The following MACROD2 variants were observed in gnomAD, a reference collection of about 807,000 sequenced individuals.
MACROD2 encodes mono-ADP ribosylhydrolase 2.
A neutral mutation model predicts 70.4 loss-of-function variants in MACROD2; 36 were observed. That is an observed-to-expected ratio of 0.51 (90% CI 0.39 to 0.68). The LOEUF is 0.68. Among genes scored for constraint, MACROD2 ranks in the 30% least tolerant of loss-of-function variants. The pLI, the probability that MACROD2 is intolerant of heterozygous loss-of-function variation, is 0.00. For synonymous variants in MACROD2, 172 were observed against 178.8 expected (o/e 0.96, Z 0.30); for missense variants, 496 against 538.4 (o/e 0.92, Z 0.78).
rs114057618 is a variant in MACROD2, at chr20:15,110,887, T to C, written c.419-119053T>C. Among the ~76,000 whole-genome samples, 519 of 152,272 alleles carry C rather than the reference T, an allele frequency of 3.4e-3. 11 individuals carry two copies. The highest frequency in any genetic ancestry group is 0.012 in the African/African-American group (497 of 41,552). On this transcript the variant is annotated intron_variant, in intron 5 of 17. Coordinates refer to ENST00000684519, the MANE Select transcript of MACROD2 (RefSeq NM_001351661.2). ...CTCCATTGGCTTTCTTAGTAGCATA[T>C]ACCATTTTTCTAAGAAAACAACCAC...
chr20:15,590,832 C>T (rs1474673555), intron 8 of MACROD2, among the ~76,000 whole-genome samples: 1 of 148,776 alleles, frequency 6.7e-6, no homozygotes, highest in Non-Finnish European at 1.5e-5. Flanking sequence ...GAGTCCATGA[C>T]ACTGTACTCC....
intron 5 of MACROD2, among the ~76,000 whole-genome samples, chr20:15,080,816 A>G (rs2075697767): frequency 6.6e-6 from 1 of 152,046 alleles, no homozygotes; most frequent in South Asian, 2.1e-4. Context: ...ATCCTCTTTA[A>G]CTTAGTTGCT....
intron 6 of MACROD2, among the ~76,000 whole-genome samples, chr20:15,421,451 A>G (rs781333139): frequency 6.6e-6 from 1 of 152,172 alleles, no homozygotes; most frequent in Non-Finnish European, 1.5e-5. Flanking sequence ...CACAGCCTAC[A>G]TATTCATCAA....
At chr20:15,743,042 T>C (rs79768794) in intron 8 of MACROD2, among the ~76,000 whole-genome samples, 3,268 of 152,300 alleles carry the variant, frequency 0.021, 118 homozygotes, top group African/African-American at 0.074. Context: ...AACTTTAACA[T>C]TTCATATTCA....
intron 5 of MACROD2, among the ~76,000 whole-genome samples, chr20:15,083,015 G>A (rs2075716973): frequency 6.6e-6 from 1 of 152,130 alleles, no homozygotes; most frequent in African/African-American, 2.4e-5. Flanking sequence ...AGCCTTTTCT[G>A]GGGTGAGGTC....
chr20:14,163,605 A>G (rs190176068), intron 3 of MACROD2, among the ~76,000 whole-genome samples: 4 of 151,782 alleles, frequency 2.6e-5, no homozygotes, highest in Non-Finnish European at 4.4e-5. Flanking sequence ...TGGTCACTTT[A>G]TGGTATCCTA....
intron 3 of MACROD2, among the ~76,000 whole-genome samples, chr20:14,129,924 A>G (rs1426284038): frequency 1.3e-5 from 2 of 152,202 alleles, no homozygotes; most frequent in Non-Finnish European, 2.9e-5. Context: ...ACATAATTTT[A>G]TATGCACTGG....
At chr20:14,211,071 G>C (rs952992295) in intron 3 of MACROD2, among the ~76,000 whole-genome samples, 2 of 152,184 alleles carry the variant, frequency 1.3e-5, no homozygotes, top group Admixed American at 6.5e-5. Flanking sequence ...ATTCATACCA[G>C]ATTGCATGGT....
At chr20:15,296,462 A>T (rs1015787038) in intron 6 of MACROD2, among the ~76,000 whole-genome samples, 4 of 152,212 alleles carry the variant, frequency 2.6e-5, no homozygotes, top group African/African-American at 9.6e-5. Context: ...TAGTTTTCAT[A>T]ATTATATGAT....
At chr20:14,122,684 T>C (rs1053980585) in intron 3 of MACROD2, among the ~76,000 whole-genome samples, 1 of 152,160 alleles carries the variant, frequency 6.6e-6, no homozygotes, top group Non-Finnish European at 1.5e-5. Context: ...TCTTTGCTTC[T>C]GGGAATAGTA....
intron 2 of MACROD2, among the ~76,000 whole-genome samples, chr20:14,044,279 C>T (rs778240575): frequency 8.6e-5 from 13 of 151,780 alleles, no homozygotes; most frequent in Non-Finnish European, 1.3e-4. Flanking sequence ...TTCGTGGTCT[C>T]GCTGGCTTCA....
At chr20:14,592,833 A>G (rs999750056) in intron 4 of MACROD2, among the ~76,000 whole-genome samples, 3 of 152,188 alleles carry the variant, frequency 2.0e-5, no homozygotes, top group Admixed American at 6.5e-5. Flanking sequence ...AATATTTTAC[A>G]TATTTAGATG....
intron 4 of MACROD2, among the ~76,000 whole-genome samples, chr20:14,635,481 A>C (rs766719374): frequency 2.0e-5 from 3 of 152,220 alleles, no homozygotes; most frequent in Middle Eastern, 3.2e-3. Context: ...ACCCAAAAAG[A>C]ATGTCCATCA....
intron 6 of MACROD2, among the ~76,000 whole-genome samples, chr20:15,314,172 C>T (rs2077783930): frequency 6.6e-6 from 1 of 152,104 alleles, no homozygotes; most frequent in African/African-American, 2.4e-5. Context: ...GGGCCTGTTG[C>T]TTTTGGAAAC....
intron 3 of MACROD2, among the ~76,000 whole-genome samples, chr20:14,482,933 C>T (rs111574359): frequency 1.8e-4 from 27 of 152,234 alleles, no homozygotes; most frequent in African/African-American, 6.0e-4. Context: ...TGGTCTCGAA[C>T]ATGTTACTTA....
intron 3 of MACROD2, among the ~76,000 whole-genome samples, chr20:14,453,747 C>T (rs2084269823): frequency 6.6e-6 from 1 of 151,914 alleles, no homozygotes; most frequent in Non-Finnish European, 1.5e-5. Context: ...CTAAAGAATG[C>T]CACTCTTAAC....
intron 5 of MACROD2, among the ~76,000 whole-genome samples, chr20:14,706,321 A>G (rs1363437080): frequency 6.6e-6 from 1 of 151,950 alleles, no homozygotes; most frequent in East Asian, 1.9e-4. Context: ...TTAAAAAAAA[A>G]AAAAAAATTG....
At chr20:14,930,173 A>G (rs952788194) in intron 5 of MACROD2, among the ~76,000 whole-genome samples, 3 of 151,748 alleles carry the variant, frequency 2.0e-5, no homozygotes, top group Non-Finnish European at 4.4e-5. Flanking sequence ...AAAAAAAAAA[A>G]AGAAATGTAC....
intron 4 of MACROD2, among the ~76,000 whole-genome samples, chr20:14,648,686 T>A (rs1985526351): frequency 6.6e-6 from 1 of 152,068 alleles, no homozygotes; most frequent in Non-Finnish European, 1.5e-5. Flanking sequence ...TTGTTTTTTA[T>A]AAAAATGGAG....
Sources: allele counts gnomAD v4.1 joint callset (sites outside exome capture counted in the v4.1 genomes callset), GRCh38; gene constraint gnomAD v4.1.1; transcripts MANE v1.5; gene names NCBI Gene and HGNC (gene_info 2026-07-23, HGNC 2026-07-21).